SCUBE1: variants seen among roughly 807,000 people sequenced by gnomAD.
The protein encoded by SCUBE1 is signal peptide, CUB domain and EGF like domain containing 1.
Under a neutral mutation model 124.4 loss-of-function variants are expected in SCUBE1, and 59 were observed. That is an observed-to-expected ratio of 0.47 (90% CI 0.38 to 0.59). The LOEUF (loss-of-function observed/expected upper bound fraction) is 0.59. Among genes scored for constraint, SCUBE1 ranks in the 20% least tolerant of loss-of-function variants. SCUBE1 has a pLI of 0.00. For synonymous variants in SCUBE1, 545 were observed against 550.9 expected, an observed-to-expected ratio of 0.99 and a Z score of 0.15; for missense variants, 1,150 against 1,371.2, an observed-to-expected ratio of 0.84 and a Z score of 2.55.
At chr22:43,233,025 C>T (rs1335547620) in intron 7 of SCUBE1, among the ~76,000 whole-genome samples, 1 of 152,200 alleles carries the variant, frequency 6.6e-6, no homozygotes, top group African/African-American at 2.4e-5. Context: ...CAGTGAGTAA[C>T]AAAAATAAGA....
intron 7 of SCUBE1, among the ~76,000 whole-genome samples, chr22:43,235,904 C>T (rs573514344): frequency 7.2e-5 from 11 of 152,224 alleles, no homozygotes; most frequent in African/African-American, 2.4e-4. Context: ...AGGGCTTAGG[C>T]GCATCTTCCA....
chr22:43,307,846 A>C (rs1926027837), intron 3 of SCUBE1, among the ~76,000 whole-genome samples: 1 of 152,200 alleles, frequency 6.6e-6, no homozygotes. Context: ...AGGCATAAAG[A>C]GGCAGGGCAT....
rs934369187 is a variant in SCUBE1, at chr22:43,223,174, G to T, written c.1250C>A (p.Ala417Asp). The T allele has an allele frequency of 3.8e-6, 6 of 1,572,956 alleles. No individual in the cohort carries two copies. Among genetic ancestry groups the T allele is most frequent in the Non-Finnish European group, 5.1e-6 (6 of 1,167,946 alleles). ...GCCTGCCTTGCTGCAGGACAGCTGG[G>T]CCCGGGGGGAGGTCTTGGCGCGAGA... ...CLSRAKTSPR[A>D]QLSCSKAGGV... Residue 417 changes from alanine (A) to aspartate (D), a missense_variant, in exon 11 of 22, where the codon GCC (alanine) becomes GAC (aspartate). Ala to Asp is a moderately radical substitution (Grantham distance 126). Transcript: ENST00000360835.
intron 16 of SCUBE1, chr22:43,213,202 G>A (rs145845582): frequency 0.015 from 2,312 of 153,636 alleles, 27 homozygotes; most frequent in Non-Finnish European, 0.022. Flanking sequence ...GGCGGGTTTA[G>A]CACCCTCTCA....
intron 4 of SCUBE1, among the ~76,000 whole-genome samples, chr22:43,276,465 G>A (rs571819812): frequency 3.9e-4 from 59 of 152,262 alleles, no homozygotes; most frequent in African/African-American, 1.3e-3. Flanking sequence ...GGAATGCTGC[G>A]GCCAGGGGTG....
At chr22:43,290,527 G>A (rs1925318030) in intron 4 of SCUBE1, among the ~76,000 whole-genome samples, 2 of 152,234 alleles carry the variant, frequency 1.3e-5, no homozygotes, top group East Asian at 3.8e-4. Flanking sequence ...TCTTCCTGGG[G>A]CCCTCTGCAC....
chr22:43,328,658 T>A (rs1318850905), intron 2 of SCUBE1, among the ~76,000 whole-genome samples: 1 of 152,198 alleles, frequency 6.6e-6, no homozygotes, highest in Non-Finnish European at 1.5e-5. Context: ...CTCAAGGCTC[T>A]CAGCTTGGGC....
intron 7 of SCUBE1, chr22:43,232,191 G>A (rs1481817215): frequency 3.1e-6 from 1 of 317,998 alleles, no homozygotes; most frequent in African/African-American, 2.1e-5. Flanking sequence ...CAAGAAAGCA[G>A]GGACAGCGAC....
chr22:43,221,238 G>T lies in SCUBE1; in HGVS notation c.1484C>A (p.Ala495Asp). 1 of 1,611,872 alleles carries T rather than the reference G, an allele frequency of 6.2e-7. No homozygotes were observed. The highest frequency in any genetic ancestry group is 8.5e-7 in the Non-Finnish European group (1 of 1,179,962). Residue 495 changes from alanine (A) to aspartate (D), a missense_variant, in exon 13 of 22, where the codon GCC (alanine) becomes GAC (aspartate). Physicochemically the swap from Ala to Asp is moderately radical, Grantham distance 126. Transcript: ENST00000360835. ...GCTGTGGGGCCGGAGGTGGCACTTG[G>T]CATCTCGGATCTTGAAGCGGGCCTT... ...KQKARFKIRDAKCHLRPHSQA... is the reference protein window; with the variant it reads ...KQKARFKIRDDKCHLRPHSQA...
At chr22:43,243,999 G>A (rs1479624014) in intron 6 of SCUBE1, among the ~76,000 whole-genome samples, 1 of 152,178 alleles carries the variant, frequency 6.6e-6, no homozygotes, top group East Asian at 1.9e-4. Context: ...CTTCACAGGC[G>A]GGTCAATTTC....
intron 4 of SCUBE1, among the ~76,000 whole-genome samples, chr22:43,268,754 T>G (rs1924174152): frequency 6.6e-6 from 1 of 152,196 alleles, no homozygotes; most frequent in Non-Finnish European, 1.5e-5. Flanking sequence ...AGGGTGCAGA[T>G]AGGCTGTTGT....
At position 43,210,380 on chromosome 22, in the gene SCUBE1, G is replaced by A; in HGVS notation, c.2384-140C>T. On this transcript the variant is annotated intron_variant, in intron 18 of 21. Coordinates refer to ENST00000360835, the MANE Select transcript of SCUBE1 (RefSeq NM_173050.5). The surrounding 1 kb of genome is among the most constrained non-coding windows in gnomAD (Gnocchi z 4.5). Reference sequence around the variant, plus strand: ...CCCCCCACACTAGCCCTCGGACCCTGAGCCCATCCTCCTTGGGGACCCTGC... The same window carrying A: ...CCCCCCACACTAGCCCTCGGACCCTAAGCCCATCCTCCTTGGGGACCCTGC... 1.5e-6 allele frequency: 1 copy of A among 687,322 alleles called. No homozygotes were observed. The highest frequency in any genetic ancestry group is 2.2e-6 in the Non-Finnish European group (1 of 446,766). The allele number at this position is 687,322 out of a possible 1,614,324, so 42.6% of individuals were successfully genotyped here.
chr22:43,203,794 A>C lies in SCUBE1; in HGVS notation c.*203T>G. 1.8e-6 allele frequency: 1 copy of C among 552,114 alleles called. No homozygotes were observed. Among genetic ancestry groups the C allele is most frequent in the Admixed American group, 3.3e-5 (1 of 30,216 alleles). The allele number at this position is 552,114 out of a possible 1,614,324, so 34.2% of individuals were successfully genotyped here. On this transcript the variant is annotated 3_prime_UTR_variant, in exon 22 of 22. Transcript: ENST00000360835. ...GGAAGGGAGGCAGAGGGAGGGAGGGAGGCTTCCTGAAGCAGGGTGCTCCCA... is the reference window on the plus strand; with the variant it reads ...GGAAGGGAGGCAGAGGGAGGGAGGGCGGCTTCCTGAAGCAGGGTGCTCCCA...
At chr22:43,254,363 A>T (rs1192204766) in intron 6 of SCUBE1, among the ~76,000 whole-genome samples, 1 of 152,144 alleles carries the variant, frequency 6.6e-6, no homozygotes. Context: ...GCAGCACACA[A>T]GGCCATATCC....
intron 4 of SCUBE1, among the ~76,000 whole-genome samples, chr22:43,285,820 T>A (rs571642852): frequency 5.3e-5 from 8 of 152,162 alleles, no homozygotes; most frequent in African/African-American, 1.9e-4. Flanking sequence ...CGAGGCCAAA[T>A]AGGTGCGGGA....
intron 1 of SCUBE1, among the ~76,000 whole-genome samples, chr22:43,341,067 A>G (rs1927296843): frequency 6.7e-6 from 1 of 149,664 alleles, no homozygotes; most frequent in African/African-American, 2.5e-5. Flanking sequence ...GAAACACAAC[A>G]GCATGACCCC....
At chr22:43,216,729 G>A (rs1421120464) in intron 15 of SCUBE1, among the ~76,000 whole-genome samples, 7 of 151,466 alleles carry the variant, frequency 4.6e-5, no homozygotes, top group Admixed American at 1.3e-4. Context: ...TTGTCAGTAC[G>A]GCTGTCCCCC....
At chr22:43,328,573 C>T (rs1453960612) in intron 2 of SCUBE1, among the ~76,000 whole-genome samples, 1 of 152,166 alleles carries the variant, frequency 6.6e-6, no homozygotes, top group Non-Finnish European at 1.5e-5. Flanking sequence ...TGGATTTTAT[C>T]AAGGTGTAAC....
chr22:43,257,647 A>G (rs1468194952), intron 6 of SCUBE1, among the ~76,000 whole-genome samples: 1 of 152,194 alleles, frequency 6.6e-6, no homozygotes, highest in Non-Finnish European at 1.5e-5. Context: ...TGGAGAGACC[A>G]GCAGTGAAAA....
Sources: allele counts gnomAD v4.1 joint callset (sites outside exome capture counted in the v4.1 genomes callset), GRCh38; gene constraint gnomAD v4.1.1; non-coding constraint Gnocchi (gnomAD v3.1); transcripts MANE v1.5; gene names NCBI Gene and HGNC (gene_info 2026-07-23, HGNC 2026-07-21).